CALN1: variants seen among roughly 807,000 people sequenced by gnomAD.
CALN1 encodes the protein calcium-binding protein 8.
In CALN1, 17 loss-of-function variants were observed where a neutral mutation model predicts 30.6. The observed-to-expected ratio is 0.56, with a 90% CI of 0.38 to 0.83. The LOEUF is 0.83. CALN1 is among the 40% of genes least tolerant of loss of function. The pLI is 0.00. For missense variants in CALN1, 291 were observed against 354.9 expected (o/e 0.82, Z 1.45); for synonymous variants, 156 against 131.4 (o/e 1.19, Z -1.28).
intron 2 of CALN1, among the ~76,000 whole-genome samples, chr7:72,400,942 T>C (rs1476072847): frequency 6.6e-6 from 1 of 152,148 alleles, no homozygotes; most frequent in Non-Finnish European, 1.5e-5. Context: ...AGGAGACTCC[T>C]CTCTGCTTTC....
At position 72,054,446 on chromosome 7, in the gene CALN1, T is replaced by C. The variant is rs13235971; in HGVS notation, c.389-30677A>G. Among the ~76,000 whole-genome samples the C allele has an allele frequency of 1.1e-3, 52 of 47,430 alleles. 2 individuals are homozygous for C. Among genetic ancestry groups the C allele is most frequent in the South Asian group, 2.7e-3 (6 of 2,182 alleles). The allele number at this position is 47,430 out of a possible 152,430, so 31.1% of individuals were successfully genotyped here. On this transcript the variant is annotated intron_variant, in intron 4 of 6. Transcript: ENST00000395275. ...GTATATATACACGTATATATATATA[T>C]ACATATATATACATATATATACATA...
chr7:72,415,925 C>G (rs1429441133), upstream of CALN1, among the ~76,000 whole-genome samples: 2 of 152,208 alleles, frequency 1.3e-5, no homozygotes, highest in East Asian at 3.9e-4. Context: ...GGACCAGGAT[C>G]CCACATCTAG....
At chr7:72,394,128 G>C (rs1000794289) in intron 2 of CALN1, among the ~76,000 whole-genome samples, 2 of 152,106 alleles carry the variant, frequency 1.3e-5, no homozygotes, top group Non-Finnish European at 2.9e-5. Flanking sequence ...TTTACACTTT[G>C]TGCATATAGA....
chr7:72,247,125 C>G (rs1333915205), intron 3 of CALN1, among the ~76,000 whole-genome samples: 1 of 151,596 alleles, frequency 6.6e-6, no homozygotes, highest in East Asian at 1.9e-4. Flanking sequence ...TTCCTCTACT[C>G]ACCCTATCCC....
chr7:72,192,248 T>C (rs1790662605), intron 3 of CALN1, among the ~76,000 whole-genome samples: 1 of 152,184 alleles, frequency 6.6e-6, no homozygotes, highest in African/African-American at 2.4e-5. Context: ...GACTGAATAC[T>C]GTAGGCAACT....
intron 2 of CALN1, among the ~76,000 whole-genome samples, chr7:72,310,760 G>A (rs920863800): frequency 5.3e-5 from 8 of 151,630 alleles, no homozygotes; most frequent in South Asian, 2.1e-4. Flanking sequence ...AAAATTAGCC[G>A]GGCATGGTGG....
In CALN1 at chr7:72,364,654, G is replaced by T. The variant is rs114883168; in HGVS notation, c.119+38597C>A. Among the ~76,000 whole-genome samples the T allele has an allele frequency of 4.3e-3, 649 of 152,246 alleles. 2 individuals carry two copies. Among genetic ancestry groups the T allele is most frequent in the African/African-American group, 0.015 (628 of 41,550 alleles). ...ACAAACATAGATCCTCAGGAATTCTGAATATTGATAAAGTGTATTTCAAAT... is the reference window on the plus strand; with the variant it reads ...ACAAACATAGATCCTCAGGAATTCTTAATATTGATAAAGTGTATTTCAAAT... On this transcript the variant is annotated intron_variant, in intron 2 of 6. Transcript: ENST00000395275.
intron 3 of CALN1, among the ~76,000 whole-genome samples, chr7:72,155,475 G>C (rs527471863): frequency 1.3e-5 from 2 of 148,650 alleles, no homozygotes; most frequent in East Asian, 4.0e-4. Context: ...CTGGGCGACA[G>C]AGCAAGACTC....
chr7:72,056,191 C>T (rs570268080), intron 4 of CALN1, among the ~76,000 whole-genome samples: 48 of 152,280 alleles, frequency 3.2e-4, no homozygotes, highest in African/African-American at 1.1e-3. Context: ...AATGCAATTT[C>T]AGGATAAATC....
chr7:72,080,251 C>T (rs904586635), intron 4 of CALN1, among the ~76,000 whole-genome samples: 3 of 152,210 alleles, frequency 2.0e-5, no homozygotes, highest in Non-Finnish European at 4.4e-5. Context: ...CTTAAAACCA[C>T]CCCACTTGCC....
chr7:72,403,478 G>A (rs551224718), intron 1 of CALN1, 36 bp from the exon 2 acceptor site: 22 of 774,384 alleles, frequency 2.8e-5, no homozygotes, highest in African/African-American at 2.8e-4. Flanking sequence ...AGCCTGCACA[G>A]TGCTGGGCGA....
chr7:72,336,875 T>A, intron 2 of CALN1: 2 of 984,774 alleles, frequency 2.0e-6, no homozygotes, highest in Non-Finnish European at 2.4e-6. Flanking sequence ...CGTGCCGGCA[T>A]CCTCGCTGCC....
chr7:72,068,743 G>A (rs1804195127), intron 4 of CALN1, among the ~76,000 whole-genome samples: 1 of 152,062 alleles, frequency 6.6e-6, no homozygotes, highest in Non-Finnish European at 1.5e-5. Context: ...TGCCTGCCTC[G>A]GCCTCCCAAA....
intron 3 of CALN1, among the ~76,000 whole-genome samples, chr7:72,118,814 T>C (rs1018482554): frequency 1.3e-5 from 2 of 152,192 alleles, no homozygotes; most frequent in Non-Finnish European, 2.9e-5. Context: ...CTCGCATTGC[T>C]GGAACACATC....
At chr7:72,271,575 A>AAAAAAAAAAAATATATATATAT in intron 3 of CALN1, among the ~76,000 whole-genome samples, 4 of 52,120 alleles carry the variant, frequency 7.7e-5, no homozygotes, top group African/African-American at 2.7e-4. Context: ...AAAAAAAAAA[A>AAAAAAAAAAAATATATATATAT]ATATATATAT....
intron 2 of CALN1, among the ~76,000 whole-genome samples, chr7:72,358,843 AGCTACTCGGTAG>A (rs2129559654): frequency 6.6e-6 from 1 of 152,012 alleles, no homozygotes; most frequent in South Asian, 2.1e-4. Context: ...CTGTAATCCC[AGCTACTCGGTAG>A]GCTGAGGCAG....
At chr7:71,985,256 G>T (rs117776122) in intron 5 of CALN1, among the ~76,000 whole-genome samples, 1 of 152,166 alleles carries the variant, frequency 6.6e-6, no homozygotes, top group Non-Finnish European at 1.5e-5. Context: ...CACACTCTGC[G>T]TATTGGCAAA....
chr7:72,201,859 A>G (rs937472336), intron 3 of CALN1, among the ~76,000 whole-genome samples: 2 of 152,150 alleles, frequency 1.3e-5, no homozygotes, highest in Admixed American at 6.6e-5. Flanking sequence ...CTCACCATAC[A>G]TCACCCAAGA....
chr7:72,218,054 G>A (rs1792975169), intron 3 of CALN1, among the ~76,000 whole-genome samples: 2 of 151,124 alleles, frequency 1.3e-5, no homozygotes, highest in African/African-American at 4.8e-5. Flanking sequence ...ATGTTAGCCA[G>A]GATGGTCTTG....
Sources: gnomAD v4.1 joint callset for allele counts (sites outside exome capture counted in the v4.1 genomes callset) on GRCh38, gnomAD v4.1.1 for gene constraint, MANE v1.5 for transcripts, NCBI Gene and HGNC (gene_info 2026-07-23, HGNC 2026-07-21) for gene names.